CAMK2B: variants seen among roughly 807,000 people sequenced by gnomAD.
CAMK2B encodes calcium/calmodulin dependent protein kinase II beta.
CAMK2B carries 27 observed loss-of-function variants against 93.7 expected under a neutral mutation model. The ratio of observed to expected loss-of-function variants is 0.29; its 90% CI spans 0.21 to 0.40. CAMK2B has a LOEUF of 0.40. CAMK2B is among the 10% of genes least tolerant of loss of function. The probability of loss-of-function intolerance (pLI) is 1.00; values close to 1 mark genes in which losing one functional copy is unlikely to be tolerated. For missense variants in CAMK2B, 568 were observed against 895.8 expected (o/e 0.63, Z 4.67); for synonymous variants, 374 against 358.8 (o/e 1.04, Z -0.48).
chr7:44,244,950 C>G (rs979011063), intron 6 of CAMK2B: 9 of 456,204 alleles, frequency 2.0e-5, no homozygotes, highest in Non-Finnish European at 4.0e-5. Flanking sequence ...AGCACCAATC[C>G]ACAGGCCACT....
At chr7:44,239,260 G>GC (rs1431077565) in intron 13 of CAMK2B, among the ~76,000 whole-genome samples, 1 of 105,294 alleles carries the variant, frequency 9.5e-6, no homozygotes, top group African/African-American at 3.9e-5. Flanking sequence ...CCAGCAGCAG[G>GC]CCCAGTGGCT....
chr7:44,256,669 G>A (rs552145111), intron 4 of CAMK2B, among the ~76,000 whole-genome samples: 107 of 152,366 alleles, frequency 7.0e-4, no homozygotes, highest in Middle Eastern at 3.4e-3. Context: ...CTCTGCAGAC[G>A]CCGAGTCCAG....
intron 1 of CAMK2B, among the ~76,000 whole-genome samples, chr7:44,287,477 T>C (rs7458821): frequency 0.21 from 31,935 of 152,140 alleles, 4,121 homozygotes; most frequent in Middle Eastern, 0.32. Flanking sequence ...TCCTGGTGGT[T>C]CTGCCACTTG....
intron 1 of CAMK2B, among the ~76,000 whole-genome samples, chr7:44,302,910 T>C (rs1330726656): frequency 1.3e-5 from 2 of 151,942 alleles, no homozygotes; most frequent in Non-Finnish European, 2.9e-5. Flanking sequence ...CTAGCTAACA[T>C]AATAAGGCAA....
chr7:44,258,806 T>A, intron 4 of CAMK2B, 66 bp downstream of exon 4: 1 of 1,471,224 alleles, frequency 6.8e-7, no homozygotes, highest in Admixed American at 1.7e-5. Context: ...CTGGGGAGGC[T>A]GCAGATCCCA....
At position 44,311,804 on chromosome 7, in the gene CAMK2B, G is replaced by T. The variant is rs1159020374; in HGVS notation, c.65+13553C>A. 6.6e-6 allele frequency among the ~76,000 whole-genome samples: 1 copy of T among 152,218 alleles called. No individual in the cohort carries two copies. The highest frequency in any genetic ancestry group is 2.4e-5 in the African/African-American group (1 of 41,458). On this transcript the variant is annotated intron_variant, in intron 1 of 23. Transcript: ENST00000395749. The surrounding 1 kb of genome is among the most constrained non-coding windows in gnomAD (Gnocchi z 4.2). Reference sequence around the variant, plus strand: ...CCTGCAGACAGGACAAGGGGAAGGGGTGTGTGACTGACTCTGCCCTACCCC... The same window carrying T: ...CCTGCAGACAGGACAAGGGGAAGGGTTGTGTGACTGACTCTGCCCTACCCC...
chr7:44,250,906 T>TG (rs1562905320), intron 5 of CAMK2B, among the ~76,000 whole-genome samples: 1 of 152,218 alleles, frequency 6.6e-6, no homozygotes, highest in Non-Finnish European at 1.5e-5. Context: ...GAAGAAGACA[T>TG]GGACACCCTT....
chr7:44,251,125 C>T (rs1009525908), intron 5 of CAMK2B, among the ~76,000 whole-genome samples: 1 of 152,106 alleles, frequency 6.6e-6, no homozygotes, highest in Non-Finnish European at 1.5e-5. Flanking sequence ...TACACTTGCC[C>T]TGGCTGCGTC....
Position 44,248,918 on chromosome 7 carries a change from CA to C in CAMK2B, c.342-1727del, listed in dbSNP as rs1407764494. ...CTTCAATGTCACCAAGAGTGGGAGC[CA>C]CAATCCTATCTCCTTGCTCCATATG... On this transcript the variant is annotated intron_variant, in intron 5 of 23. Coordinates refer to ENST00000395749, the MANE Select transcript of CAMK2B (RefSeq NM_001220.5). The surrounding 1 kb of genome is among the most constrained non-coding windows in gnomAD (Gnocchi z 4.1). Among the ~76,000 whole-genome samples, 1 of 152,126 alleles carries C rather than the reference CA, an allele frequency of 6.6e-6. No individual in the cohort carries two copies. The highest frequency in any genetic ancestry group is 1.5e-5 in the Non-Finnish European group (1 of 68,020).
intron 15 of CAMK2B, 114 bp from the exon 16 acceptor site, chr7:44,232,980 C>T: frequency 1.1e-6 from 1 of 929,182 alleles, no homozygotes. Context: ...TGGCCAGAGC[C>T]TGCGAGAAAG....
intron 2 of CAMK2B, among the ~76,000 whole-genome samples, chr7:44,282,919 C>T (rs922096325): frequency 8.5e-5 from 13 of 152,254 alleles, no homozygotes; most frequent in Non-Finnish European, 1.5e-4. Flanking sequence ...GGATGCTAAT[C>T]AAGGCTGCTG....
intron 3 of CAMK2B, among the ~76,000 whole-genome samples, 158 bp from the exon 4 acceptor site, chr7:44,259,084 G>A (rs1468730607): frequency 6.6e-6 from 1 of 152,216 alleles, no homozygotes; most frequent in South Asian, 2.1e-4. Context: ...CAGAGGGCAG[G>A]GCTGAGCAGA....
intron 1 of CAMK2B, among the ~76,000 whole-genome samples, chr7:44,294,465 G>C (rs1787742913): frequency 6.6e-6 from 1 of 152,234 alleles, no homozygotes; most frequent in South Asian, 2.1e-4. Context: ...CCCAGGGATG[G>C]TGGGAGTGCT....
intron 1 of CAMK2B, among the ~76,000 whole-genome samples, chr7:44,285,811 C>T (rs531830801): frequency 1.1e-5 from 1 of 89,308 alleles, no homozygotes; most frequent in Non-Finnish European, 2.2e-5. Context: ...GGAGATGCGG[C>T]GGGGGGGAGG....
At chr7:44,308,614 G>T (rs752551203) in intron 1 of CAMK2B, among the ~76,000 whole-genome samples, 12 of 152,178 alleles carry the variant, frequency 7.9e-5, no homozygotes, top group Non-Finnish European at 1.3e-4. Flanking sequence ...GCAGGACAAG[G>T]TTCCACCAAC....
At chr7:44,251,500 C>T (rs907112602) in intron 5 of CAMK2B, among the ~76,000 whole-genome samples, 17 of 152,348 alleles carry the variant, frequency 1.1e-4, no homozygotes, top group African/African-American at 3.6e-4. Context: ...CTGAGGCTGT[C>T]GCACCAGCAG....
In CAMK2B at chr7:44,241,180, C is replaced by T. The variant is rs189571657; in HGVS notation, c.904-431G>A. ...GGCAGTCAGGCAACAAGTCCCCATC[C>T]CGGAACCCACAAGTAGAGGGACTGC... On this transcript the variant is annotated intron_variant, in intron 11 of 23. Transcript: ENST00000395749. Among the ~76,000 whole-genome samples the T allele has an allele frequency of 1.0e-3, 154 of 152,244 alleles. No individual in the cohort carries two copies. In the East Asian group the frequency reaches 0.027, roughly 27 times the overall value.
In CAMK2B at chr7:44,312,834, G is replaced by A. The variant is rs1793908158; in HGVS notation, c.65+12523C>T. ...ATGAACCTGGCCTCAGGCATGCAGAGGAGTTGTGAAAAGCATCAAAATCAC... is the reference window on the plus strand; with the variant it reads ...ATGAACCTGGCCTCAGGCATGCAGAAGAGTTGTGAAAAGCATCAAAATCAC... On this transcript the variant is annotated intron_variant, in intron 1 of 23. Transcript: ENST00000395749. The surrounding 1 kb of genome is among the most constrained non-coding windows in gnomAD (Gnocchi z 4.1). Among the ~76,000 whole-genome samples, 1 of 152,168 alleles carries A rather than the reference G, an allele frequency of 6.6e-6. No homozygotes were observed. The highest frequency in any genetic ancestry group is 1.5e-5 in the Non-Finnish European group (1 of 68,030).
intron 18 of CAMK2B, 118 bp downstream of exon 18, chr7:44,229,270 G>A (rs923558146): frequency 1.5e-6 from 1 of 682,244 alleles, no homozygotes; most frequent in Non-Finnish European, 2.5e-6. Flanking sequence ...GGATTGTGGG[G>A]TGATGAGGCT....
Sources: allele counts gnomAD v4.1 joint callset (sites outside exome capture counted in the v4.1 genomes callset), GRCh38; gene constraint gnomAD v4.1.1; non-coding constraint Gnocchi (gnomAD v3.1); transcripts MANE v1.5; gene names NCBI Gene and HGNC (gene_info 2026-07-23, HGNC 2026-07-21).